LYRM4: variants seen among roughly 807,000 people sequenced by gnomAD.
The protein encoded by LYRM4 is LYR motif-containing protein 4.
A neutral mutation model predicts 11.7 loss-of-function variants in LYRM4; 9 were observed. The observed-to-expected ratio is 0.77, with a 90% confidence interval of 0.46 to 1.34. LYRM4 has a LOEUF of 1.34. Ranked by LOEUF, LYRM4 falls within the 40% of genes most tolerant of loss-of-function variation. The pLI, the probability that LYRM4 is intolerant of heterozygous loss-of-function variation, is 0.00. For missense variants in LYRM4, 133 were observed against 112.5 expected, an observed-to-expected ratio of 1.18 and a Z score of -0.82; for synonymous variants, 42 against 40.4, an observed-to-expected ratio of 1.04 and a Z score of -0.15.
intron 2 of LYRM4, among the ~76,000 whole-genome samples, chr6:5,201,446 C>T (rs79340797): frequency 0.017 from 2,585 of 152,282 alleles, 30 homozygotes; most frequent in Non-Finnish European, 0.025. Context: ...CAAGCTCATG[C>T]CACAAACTGT....
chr6:5,091,512 C>G, the LYRM4 span, among the ~76,000 whole-genome samples: 1 of 152,194 alleles, frequency 6.6e-6, no homozygotes, highest in African/African-American at 2.4e-5. Flanking sequence ...ATTCAGATTT[C>G]AACTCTTTTG....
intron 2 of LYRM4, among the ~76,000 whole-genome samples, chr6:5,182,228 G>A (rs1441335059): frequency 6.6e-6 from 1 of 152,132 alleles, no homozygotes; most frequent in Non-Finnish European, 1.5e-5. Flanking sequence ...GAACCCCTAT[G>A]ATGTTATGCA....
intron 2 of LYRM4, among the ~76,000 whole-genome samples, chr6:5,182,362 G>T (rs1340925542): frequency 6.6e-6 from 1 of 152,198 alleles, no homozygotes; most frequent in Non-Finnish European, 1.5e-5. Context: ...CAAGGTGTTT[G>T]AAGACTTTAA....
chr6:5,196,740 A>G (rs905623125), intron 2 of LYRM4, among the ~76,000 whole-genome samples: 20 of 152,250 alleles, frequency 1.3e-4, no homozygotes, highest in Non-Finnish European at 7.3e-5. Flanking sequence ...GTTCTTTAAC[A>G]TAACTGTATA....
intron 2 of LYRM4, among the ~76,000 whole-genome samples, chr6:5,139,965 G>A (rs1222685906): frequency 6.7e-6 from 1 of 150,222 alleles, no homozygotes; most frequent in Non-Finnish European, 1.5e-5. Flanking sequence ...AGCCTCCCAA[G>A]CAGCTGGGAC....
intron 2 of LYRM4, among the ~76,000 whole-genome samples, chr6:5,167,866 T>C (rs1759180218): frequency 6.6e-6 from 1 of 152,032 alleles, no homozygotes. Context: ...GCTTCTGATA[T>C]AACTATGGAT....
At chr6:5,065,464 A>C in the LYRM4 span, among the ~76,000 whole-genome samples, 2 of 152,246 alleles carry the variant, frequency 1.3e-5, no homozygotes, top group Admixed American at 1.3e-4. Context: ...TTCTAAGCTT[A>C]ATAATGTACA....
intron 2 of LYRM4, among the ~76,000 whole-genome samples, chr6:5,200,190 G>A (rs1463002236): frequency 6.6e-6 from 1 of 152,118 alleles, no homozygotes; most frequent in African/African-American, 2.4e-5. Flanking sequence ...TGATAAGCGT[G>A]TCTCCAGAAG....
chr6:5,244,014 A>G (rs1165072651), intron 1 of LYRM4, among the ~76,000 whole-genome samples: 1 of 152,230 alleles, frequency 6.6e-6, no homozygotes, highest in Non-Finnish European at 1.5e-5. Flanking sequence ...TATTTCTAAC[A>G]TATCTTGTTT....
intron 2 of LYRM4, among the ~76,000 whole-genome samples, chr6:5,181,507 C>G (rs1025418698): frequency 6.6e-6 from 1 of 152,176 alleles, no homozygotes; most frequent in Non-Finnish European, 1.5e-5. Flanking sequence ...AGACCCCACG[C>G]GGGCCCATCT....
At chr6:5,194,078 T>TG (rs1257678092) in intron 2 of LYRM4, among the ~76,000 whole-genome samples, 20 of 53,932 alleles carry the variant, frequency 3.7e-4, no homozygotes, top group African/African-American at 1.5e-3. Flanking sequence ...TGTGGGGGGG[T>TG]GGGGGGTGGG....
chr6:5,203,240 G>A (rs1761493057), intron 2 of LYRM4, among the ~76,000 whole-genome samples: 1 of 152,194 alleles, frequency 6.6e-6, no homozygotes, highest in Non-Finnish European at 1.5e-5. Context: ...AAATTTCACT[G>A]AAGCTCTGAT....
the LYRM4 span, among the ~76,000 whole-genome samples, chr6:5,074,396 A>G: frequency 1.1e-5 from 1 of 93,984 alleles, no homozygotes; most frequent in African/African-American, 4.1e-5. Flanking sequence ...AAGCACAGGT[A>G]CTTTTTTTTT....
chr6:5,215,236 C>G (rs1307997693), intron 2 of LYRM4, among the ~76,000 whole-genome samples: 1 of 152,154 alleles, frequency 6.6e-6, no homozygotes, highest in African/African-American at 2.4e-5. Flanking sequence ...TGCCAAAGAA[C>G]AAAATCTTTC....
At chr6:5,163,951 A>G (rs1460602328) in intron 2 of LYRM4, among the ~76,000 whole-genome samples, 1 of 152,180 alleles carries the variant, frequency 6.6e-6, no homozygotes, top group Non-Finnish European at 1.5e-5. Context: ...TAACAACTTT[A>G]TAACATTGAG....
intron 2 of LYRM4, chr6:5,186,585 C>T (rs1320092179): frequency 1.0e-6 from 1 of 977,866 alleles, no homozygotes; most frequent in Non-Finnish European, 1.2e-6. Flanking sequence ...AAAAAATCTA[C>T]AAAAGCACCA....
the LYRM4 span, among the ~76,000 whole-genome samples, chr6:5,046,778 C>T: frequency 2.6e-5 from 4 of 152,284 alleles, no homozygotes; most frequent in African/African-American, 9.6e-5. Flanking sequence ...TGGCTTCCGT[C>T]ATATTCTGTT....
chr6:5,113,735 CTTTT>C (rs10708540), intron 2 of LYRM4, among the ~76,000 whole-genome samples: 9 of 147,810 alleles, frequency 6.1e-5, no homozygotes, highest in Admixed American at 1.3e-4. Flanking sequence ...TTCTCTCTCT[CTTTT>C]TTTTTTTTTT....
chr6:5,049,793 C>T, the LYRM4 span, among the ~76,000 whole-genome samples: 1 of 152,100 alleles, frequency 6.6e-6, no homozygotes, highest in African/African-American at 2.4e-5. Context: ...TCTCAGCCTC[C>T]CCAGTAGTTG....
Sources: allele counts gnomAD v4.1 joint callset (sites outside exome capture counted in the v4.1 genomes callset), GRCh38; gene constraint gnomAD v4.1.1; transcripts MANE v1.5; gene names NCBI Gene and HGNC (gene_info 2026-07-23, HGNC 2026-07-21).